ZBTB40: variants seen among roughly 807,000 people sequenced by gnomAD.
ZBTB40 encodes the protein zinc finger and BTB domain containing 40, also known as zinc finger and BTB domain-containing protein 40.
Under a neutral mutation model 117.5 loss-of-function variants are expected in ZBTB40, and 60 were observed. The ratio of observed to expected loss-of-function variants is 0.51; its 90% CI spans 0.41 to 0.63. The LOEUF (loss-of-function observed/expected upper bound fraction) is 0.63. Among genes scored for constraint, ZBTB40 ranks in the 30% least tolerant of loss-of-function variants. The probability of loss-of-function intolerance (pLI) is 0.00; values close to 1 mark genes in which losing one functional copy is unlikely to be tolerated. For missense variants in ZBTB40, 1,287 were observed against 1,498.5 expected (o/e 0.86, Z 2.33); for synonymous variants, 525 against 577.1 (o/e 0.91, Z 1.29).
intron 1 of ZBTB40, among the ~76,000 whole-genome samples, chr1:22,474,899 A>G (rs773815078): frequency 6.6e-6 from 1 of 151,648 alleles, no homozygotes; most frequent in Admixed American, 6.6e-5. Context: ...TCAAAATAGA[A>G]GTCAAGATTT....
intron 6 of ZBTB40, among the ~76,000 whole-genome samples, chr1:22,506,583 A>G (rs1639081783): frequency 6.6e-6 from 1 of 152,186 alleles, no homozygotes; most frequent in Admixed American, 6.5e-5. Context: ...CGCAAATAGG[A>G]GCAGCAAAGC....
At position 22,524,316 on chromosome 1, in the gene ZBTB40, A is replaced by G. The variant is rs764248047; in HGVS notation, c.3397A>G (p.Thr1133Ala). ...VTTEHFKQSE[T>A]TFPCELCGEL... is the part of the protein sequence containing the mutation. ...CACGGAGCACTTCAAGCAGTCAGAGACCACCTTCCCCTGTGAGCTCTGTGG... is the reference window on the plus strand; with the variant it reads ...CACGGAGCACTTCAAGCAGTCAGAGGCCACCTTCCCCTGTGAGCTCTGTGG... The change falls in exon 17 of 18, where the codon ACC (threonine) becomes GCC (alanine). Residue 1133 changes from threonine to alanine, a missense_variant. Physicochemically the swap from Thr to Ala is moderately conservative, Grantham distance 58. Transcript: ENST00000375647. The G allele has an allele frequency of 1.9e-6, 3 of 1,614,100 alleles. No individual in the cohort carries two copies. Among genetic ancestry groups the G allele is most frequent in the Non-Finnish European group, 2.5e-6 (3 of 1,180,028 alleles).
chr1:22,525,227 A>G (rs1210728932), intron 17 of ZBTB40, among the ~76,000 whole-genome samples: 2 of 152,262 alleles, frequency 1.3e-5, no homozygotes, highest in African/African-American at 4.8e-5. Context: ...TTTGTATATT[A>G]TGGTTCTTGA....
intron 1 of ZBTB40, among the ~76,000 whole-genome samples, chr1:22,466,203 A>G (rs564992959): frequency 6.6e-6 from 1 of 152,384 alleles, no homozygotes; most frequent in Non-Finnish European, 1.5e-5. Flanking sequence ...TCCATGTTGT[A>G]GAATGTATCA....
In ZBTB40 at chr1:22,498,137, A is replaced by G. The variant is rs1054002541; in HGVS notation, c.832-3355A>G. Among the ~76,000 whole-genome samples the G allele has an allele frequency of 2.6e-5, 4 of 152,234 alleles. No individual in the cohort carries two copies. The South Asian group carries it at 8.3e-4, about 32-fold the overall frequency. ...AAATATATTTACCTATATTTCACTC[A>G]TAGGTAAAGTATTTAGATTACTTCT... On this transcript the variant is annotated intron_variant, in intron 3 of 17. Coordinates refer to ENST00000375647, the MANE Select transcript of ZBTB40 (RefSeq NM_014870.4).
chr1:22,508,386 A>G, intron 7 of ZBTB40, 144 bp from the exon 8 acceptor site: 1 of 1,045,338 alleles, frequency 9.6e-7, no homozygotes, highest in Non-Finnish European at 1.5e-6. Context: ...ATGTATAAGA[A>G]ATCTCTCAGA....
rs1456959440 is a variant in ZBTB40, at chr1:22,528,276, C to T, written c.*1880C>T. On this transcript the variant is annotated 3_prime_UTR_variant, in exon 18 of 18. Transcript: ENST00000375647. The stretch of plus-strand genomic sequence containing the variant: ...CTGAAAGATCGTAGAGTGGCACATG[C>T]TTACAGGGCATTGGTGCCAAGTCCA... The T allele has an allele frequency of 6.6e-6, 1 of 152,506 alleles. No individual in the cohort carries two copies. Among genetic ancestry groups the T allele is most frequent in the East Asian group, 1.9e-4 (1 of 5,326 alleles). 9.4% of individuals were successfully genotyped at this position (152,506 alleles called of 1,614,324 possible). A position where few individuals can be genotyped will look rare whatever the true frequency, so the allele number is the denominator to read the frequency against.
chr1:22,474,441 A>G (rs1489515530), intron 1 of ZBTB40, among the ~76,000 whole-genome samples: 1 of 152,170 alleles, frequency 6.6e-6, no homozygotes, highest in Non-Finnish European at 1.5e-5. Flanking sequence ...TGGGCCTACT[A>G]AAAGCTACAG....
At chr1:22,483,483 A>G (rs1024753505) in intron 1 of ZBTB40, among the ~76,000 whole-genome samples, 1 of 152,228 alleles carries the variant, frequency 6.6e-6, no homozygotes, top group Admixed American at 6.5e-5. Flanking sequence ...GATTTTGGTC[A>G]TTCTGATAGG....
intron 1 of ZBTB40, among the ~76,000 whole-genome samples, chr1:22,444,183 C>G (rs561921344): frequency 1.2e-4 from 19 of 152,214 alleles, no homozygotes; most frequent in Admixed American, 4.6e-4. Context: ...GAGGCCACGG[C>G]AAGTGGATCA....
chr1:22,436,780 A>G (rs1259559007), intron 1 of ZBTB40, among the ~76,000 whole-genome samples: 1 of 152,192 alleles, frequency 6.6e-6, no homozygotes, highest in African/African-American at 2.4e-5. Context: ...AAATTCTAGG[A>G]TATGTTAGAA....
At chr1:22,485,115 T>C (rs184398576) in intron 1 of ZBTB40, among the ~76,000 whole-genome samples, 1 of 152,348 alleles carries the variant, frequency 6.6e-6, no homozygotes, top group Admixed American at 6.5e-5. Context: ...TCTTTTCTTG[T>C]AATGTCTCTG....
intron 1 of ZBTB40, among the ~76,000 whole-genome samples, chr1:22,457,843 T>G (rs1641039146): frequency 6.6e-6 from 1 of 152,224 alleles, no homozygotes; most frequent in African/African-American, 2.4e-5. Context: ...TTTCTAGGAC[T>G]GGGGCCTGAC....
rs769993359 is a variant in ZBTB40 at position 22,489,975 on chromosome 1, G to T, written c.27G>T (p.Gln9His). The T allele has an allele frequency of 1.2e-6, 2 of 1,612,896 alleles. No individual in the cohort carries two copies. Among genetic ancestry groups the T allele is most frequent in the Non-Finnish European group, 1.7e-6 (2 of 1,179,998 alleles). The change falls in exon 2 of 18, where the codon CAG (glutamine) becomes CAT (histidine). Residue 9 changes from glutamine (Q) to histidine (H), a missense_variant. This residue lies in a region of ZBTB40 where 870 missense variants were observed against 934.4 expected (regional missense o/e 0.93). Transcript: ENST00000375647. Reference protein sequence around the residue: MELPNYSRQLLQQLYTLCK... With the variant: MELPNYSRHLLQQLYTLCK... ...TGGAGCTCCCCAACTACAGCCGGCA[G>T]CTGCTGCAGCAGCTGTACACTCTGT...
At chr1:22,485,143 G>A (rs1280971617) in intron 1 of ZBTB40, among the ~76,000 whole-genome samples, 1 of 152,152 alleles carries the variant, frequency 6.6e-6, no homozygotes, top group African/African-American at 2.4e-5. Flanking sequence ...TTGGTAGAGG[G>A]TTAATGTTGG....
intron 6 of ZBTB40, among the ~76,000 whole-genome samples, chr1:22,506,656 CATT>C (rs1639084128): frequency 6.6e-6 from 1 of 152,136 alleles, no homozygotes; most frequent in African/African-American, 2.4e-5. Context: ...CCCCAGAACT[CATT>C]ATTCTGGTGT....
intron 1 of ZBTB40, among the ~76,000 whole-genome samples, chr1:22,480,867 C>T (rs1031780883): frequency 6.6e-6 from 1 of 152,174 alleles, no homozygotes; most frequent in Admixed American, 6.5e-5. Context: ...TTCCCTGAGC[C>T]AGTGAGCAGA....
At chr1:22,524,611 A>G (rs1053259004) in intron 17 of ZBTB40, among the ~76,000 whole-genome samples, 167 bp downstream of exon 17, 2 of 152,224 alleles carry the variant, frequency 1.3e-5, no homozygotes, top group Admixed American at 1.3e-4. Context: ...CCTGGTGGCC[A>G]CATGGGAAGT....
chr1:22,468,365 T>C lies in ZBTB40; in HGVS notation c.-70+16361T>C, dbSNP rs982503783. 1.8e-4 allele frequency among the ~76,000 whole-genome samples: 27 copies of C among 152,050 alleles called. 1 individual carries two copies. Among genetic ancestry groups the C allele is most frequent in the Non-Finnish European group, 1.5e-5 (1 of 68,008 alleles). ...TTCCATGTTTTGATTTGCGTTTCTT[T>C]AATTATTCACCAGGCTGAATTTTTA... is the stretch of plus-strand genomic sequence containing the variant. On this transcript the variant is annotated intron_variant, in intron 1 of 17. Transcript: ENST00000375647.
Sources: gnomAD v4.1 joint callset for allele counts (sites outside exome capture counted in the v4.1 genomes callset) on GRCh38, gnomAD v4.1.1 for gene constraint, gnomAD v4.1.1 regional missense constraint, MANE v1.5 for transcripts, NCBI Gene and HGNC (gene_info 2026-07-23, HGNC 2026-07-21) for gene names.